USP48: variants seen among roughly 807,000 people sequenced by gnomAD.
USP48 encodes ubiquitin carboxyl-terminal hydrolase 48.
A neutral mutation model predicts 150.7 loss-of-function variants in USP48; 43 were observed. The ratio of observed to expected loss-of-function variants is 0.29; its 90% confidence interval spans 0.22 to 0.37. The LOEUF (loss-of-function observed/expected upper bound fraction) is 0.37, where lower values mean the gene tolerates loss of function less well. Among genes scored for constraint, USP48 ranks in the 10% least tolerant of loss-of-function variants. The pLI is 1.00. For synonymous variants in USP48, 396 were observed against 425.9 expected (o/e 0.93, Z 0.86); for missense variants, 813 against 1,249.6 (o/e 0.65, Z 5.27).
At chr1:21,718,261 A>AT (rs1219409444) in intron 14 of USP48, among the ~76,000 whole-genome samples, 1 of 152,178 alleles carries the variant, frequency 6.6e-6, no homozygotes, top group African/African-American at 2.4e-5. Flanking sequence ...GCAATTAATC[A>AT]ATAAAAAGGG....
Position 21,700,995 on chromosome 1 carries a change from G to A in USP48, c.2727+503C>T, listed in dbSNP as rs184391390. Among the ~76,000 whole-genome samples the A allele has an allele frequency of 7.1e-4, 106 of 150,178 alleles. 1 individual carries two copies. Among genetic ancestry groups the A allele is most frequent in the African/African-American group, 2.4e-3 (99 of 40,688 alleles). Reference sequence around the variant, plus strand: ...CAGGAGAATCACTTGAACCTGGGAGGTGGAGGTTGCAGCGAGCCGAGATTG... The same window carrying A: ...CAGGAGAATCACTTGAACCTGGGAGATGGAGGTTGCAGCGAGCCGAGATTG... On this transcript the variant is annotated intron_variant, in intron 22 of 26. Transcript: ENST00000308271.
chr1:21,767,946 G>A lies in USP48; in HGVS notation c.135-10163C>T, dbSNP rs111410828. Among the ~76,000 whole-genome samples, 1,024 of 152,210 alleles carry A rather than the reference G, an allele frequency of 6.7e-3. 9 individuals carry two copies. Among genetic ancestry groups the A allele is most frequent in the African/African-American group, 0.023 (955 of 41,554 alleles). On this transcript the variant is annotated intron_variant, in intron 1 of 26. Coordinates refer to ENST00000308271, the MANE Select transcript of USP48 (RefSeq NM_032236.8). ...AAACAGGTCAGGCATGGTGGCTCAC[G>A]CCTGCAATCCCAGCACTCTGGGAGG... is the stretch of plus-strand genomic sequence containing the variant.
intron 1 of USP48, among the ~76,000 whole-genome samples, chr1:21,778,200 G>A (rs1387779446): frequency 6.7e-6 from 1 of 150,112 alleles, no homozygotes; most frequent in Non-Finnish European, 1.5e-5. Context: ...AATAACAAAA[G>A]GCAACTCAAT....
intron 1 of USP48, among the ~76,000 whole-genome samples, chr1:21,772,487 G>C (rs560587210): frequency 1.2e-3 from 178 of 152,108 alleles, no homozygotes; most frequent in Non-Finnish European, 2.1e-3. Context: ...GCTGGGCGTG[G>C]TGGCGGGCGC....
intron 15 of USP48, among the ~76,000 whole-genome samples, chr1:21,713,093 ACT>A (rs899443851): frequency 2.4e-5 from 3 of 124,006 alleles, no homozygotes; most frequent in Admixed American, 8.7e-5. Context: ...TCTCTTTCTC[ACT>A]CTCTCTTTCT....
At chr1:21,697,490 C>CT (rs1557436981) in intron 22 of USP48, among the ~76,000 whole-genome samples, 1 of 142,942 alleles carries the variant, frequency 7.0e-6, no homozygotes, top group Non-Finnish European at 1.6e-5. Context: ...GGTGAAACCC[C>CT]GTCTCTACTA....
At chr1:21,731,409 GT>G (rs2097756496) in intron 9 of USP48, among the ~76,000 whole-genome samples, 1 of 151,656 alleles carries the variant, frequency 6.6e-6, no homozygotes, top group Non-Finnish European at 1.5e-5. Context: ...GATTACAGGC[GT>G]GTGTCACCAC....
intron 25 of USP48, chr1:21,686,058 G>A (rs570687690): frequency 2.6e-5 from 4 of 152,354 alleles, no homozygotes; most frequent in African/African-American, 7.2e-5. Context: ...GGTGGCTGCA[G>A]TGAGCTGAGA....
At chr1:21,722,698 A>C (rs1465076361) in intron 12 of USP48, among the ~76,000 whole-genome samples, 1 of 151,998 alleles carries the variant, frequency 6.6e-6, no homozygotes, top group Admixed American at 6.6e-5. Context: ...TACAAAACTT[A>C]ACCAGGCATG....
intron 25 of USP48, 75 bp downstream of exon 25, chr1:21,687,116 T>TA: frequency 7.0e-7 from 1 of 1,427,026 alleles, no homozygotes; most frequent in Non-Finnish European, 9.7e-7. Flanking sequence ...CACTGTACAC[T>TA]AAAGCTTCAA....
At chr1:21,751,761 T>C (rs1171227287) in intron 5 of USP48, 146 bp from the exon 6 acceptor site, 2 of 676,774 alleles carry the variant, frequency 3.0e-6, no homozygotes, top group South Asian at 2.0e-5. Flanking sequence ...AAAAATGAAA[T>C]ATAATCCCAG....
At chr1:21,772,286 A>C (rs951678608) in intron 1 of USP48, among the ~76,000 whole-genome samples, 2 of 152,134 alleles carry the variant, frequency 1.3e-5, no homozygotes, top group Non-Finnish European at 2.9e-5. Context: ...AAGCCCACAA[A>C]GCCCAAATAT....
intron 24 of USP48, among the ~76,000 whole-genome samples, chr1:21,687,620 C>T (rs2097583370): frequency 6.6e-6 from 1 of 152,172 alleles, no homozygotes; most frequent in Non-Finnish European, 1.5e-5. Flanking sequence ...TTATACTGGT[C>T]CTCTCAGAAT....
intron 1 of USP48, among the ~76,000 whole-genome samples, chr1:21,769,254 T>TA (rs1035668404): frequency 4.6e-5 from 7 of 151,996 alleles, no homozygotes; most frequent in African/African-American, 1.5e-4. Flanking sequence ...CTTATAGAAA[T>TA]AACACAGGAG....
intron 24 of USP48, among the ~76,000 whole-genome samples, chr1:21,688,621 C>T (rs2097586012): frequency 1.3e-5 from 2 of 151,664 alleles, no homozygotes; most frequent in South Asian, 4.2e-4. Context: ...GCGGGCAGAT[C>T]ACCTGAGGTC....
chr1:21,709,504 G>A (rs1476490222), intron 15 of USP48, among the ~76,000 whole-genome samples: 1 of 151,378 alleles, frequency 6.6e-6, no homozygotes, highest in African/African-American at 2.4e-5. Flanking sequence ...CCATAAAAAA[G>A]ATTAAGGTAG....
At chr1:21,700,927 TGG>T (rs2097653791) in intron 22 of USP48, among the ~76,000 whole-genome samples, 1 of 149,082 alleles carries the variant, frequency 6.7e-6, no homozygotes, top group Non-Finnish European at 1.5e-5. Flanking sequence ...TAGCCAGGAG[TGG>T]TGGCGCATGC....
intron 1 of USP48, among the ~76,000 whole-genome samples, chr1:21,764,093 C>T (rs1341845190): frequency 6.6e-6 from 1 of 152,040 alleles, no homozygotes; most frequent in East Asian, 1.9e-4. Context: ...TTATGTGTAC[C>T]TGTGTCTATC....
In USP48 at chr1:21,777,363, C is replaced by T. The variant is rs563224825; in HGVS notation, c.134+5461G>A. Among the ~76,000 whole-genome samples the T allele has an allele frequency of 1.8e-3, 262 of 149,704 alleles. 1 individual carries two copies. The highest frequency in any genetic ancestry group is 6.0e-3 in the African/African-American group (243 of 40,678). On this transcript the variant is annotated intron_variant, in intron 1 of 26. Coordinates refer to ENST00000308271, the MANE Select transcript of USP48 (RefSeq NM_032236.8). Reference sequence around the variant, plus strand: ...GTGTGGCTTCTTACAAGACCAAAAGCGTCAAAAAAAAAATAGTACAATGTT... The same window carrying T: ...GTGTGGCTTCTTACAAGACCAAAAGTGTCAAAAAAAAAATAGTACAATGTT...
Sources: gnomAD v4.1 joint callset for allele counts (sites outside exome capture counted in the v4.1 genomes callset) on GRCh38, gnomAD v4.1.1 for gene constraint, MANE v1.5 for transcripts, NCBI Gene and HGNC (gene_info 2026-07-23, HGNC 2026-07-21) for gene names.